The following SPATS2L variants were observed in gnomAD, a reference collection of about 807,000 sequenced individuals.
The protein encoded by SPATS2L is spermatogenesis associated serine rich 2 like.
SPATS2L carries 30 observed loss-of-function variants against 59.6 expected under a neutral mutation model. The ratio of observed to expected loss-of-function variants is 0.50; its 90% CI spans 0.38 to 0.68. The LOEUF is 0.68. Ranked by LOEUF, SPATS2L falls within the 30% of genes least tolerant of loss-of-function variation. The pLI, the probability that SPATS2L is intolerant of heterozygous loss-of-function variation, is 0.00. For missense variants in SPATS2L, 615 were observed against 700.0 expected (o/e 0.88, Z 1.37); for synonymous variants, 252 against 263.5 (o/e 0.96, Z 0.42).
At chr2:200,445,512 A>C (rs2084975484) in intron 8 of SPATS2L, among the ~76,000 whole-genome samples, 1 of 152,196 alleles carries the variant, frequency 6.6e-6, no homozygotes, top group Non-Finnish European at 1.5e-5. Context: ...CACCATTGAC[A>C]CTTTAAATAT....
chr2:200,326,235 CAGGTAGCTGGAGCT>C (rs1459672701), intron 1 of SPATS2L, among the ~76,000 whole-genome samples: 9 of 152,208 alleles, frequency 5.9e-5, no homozygotes, highest in Admixed American at 4.6e-4. Context: ...CTCAGCCTCC[CAGGTAGCTGGAGCT>C]ACAAGGGCTT....
intron 8 of SPATS2L, among the ~76,000 whole-genome samples, chr2:200,446,635 A>C (rs1215123860): frequency 6.6e-6 from 1 of 152,102 alleles, no homozygotes; most frequent in African/African-American, 2.4e-5. Context: ...GGGTGAGAGG[A>C]AAATGAGAGA....
intron 2 of SPATS2L, among the ~76,000 whole-genome samples, chr2:200,382,774 A>G (rs6721026): frequency 0.053 from 8,145 of 152,258 alleles, 452 homozygotes; most frequent in Admixed American, 0.18. Flanking sequence ...GTGACGGTAA[A>G]ATGAAAAAAA....
At chr2:200,382,234 C>T (rs2081840963) in intron 2 of SPATS2L, among the ~76,000 whole-genome samples, 1 of 152,102 alleles carries the variant, frequency 6.6e-6, no homozygotes, top group Non-Finnish European at 1.5e-5. Context: ...GCCATCATGC[C>T]CAGCTAATTT....
intron 5 of SPATS2L, among the ~76,000 whole-genome samples, chr2:200,418,792 G>T (rs943929370): frequency 6.6e-6 from 1 of 152,086 alleles, no homozygotes; most frequent in African/African-American, 2.4e-5. Context: ...TTCCCTAGTA[G>T]TCCTCCCCTT....
At position 200,307,810 on chromosome 2, in the gene SPATS2L, C is replaced by A. The variant is rs895239902; in HGVS notation, c.-73+888C>A. Among the ~76,000 whole-genome samples the A allele has an allele frequency of 2.0e-5, 3 of 152,258 alleles. 1 individual carries two copies. In the South Asian group the frequency reaches 6.2e-4, roughly 31 times the overall value. On this transcript the variant is annotated intron_variant, in intron 1 of 12. Coordinates refer to ENST00000409140, the MANE Select transcript of SPATS2L (RefSeq NM_001100423.2). Reference sequence around the variant, plus strand: ...TGAACTTCACGAGCTTCTCATCCCCCCCGCAATCCTGGTTTTAGCAGATGT... The same window carrying A: ...TGAACTTCACGAGCTTCTCATCCCCACCGCAATCCTGGTTTTAGCAGATGT...
At chr2:200,308,972 G>A in intron 1 of SPATS2L, 1 of 711,382 alleles carries the variant, frequency 1.4e-6, no homozygotes, top group Non-Finnish European at 2.6e-6. Flanking sequence ...GTTATCTGTG[G>A]GCTTGAGAAG....
intron 5 of SPATS2L, among the ~76,000 whole-genome samples, chr2:200,419,032 A>G (rs1289442386): frequency 2.6e-5 from 4 of 151,802 alleles, no homozygotes; most frequent in African/African-American, 4.8e-5. Context: ...AACCTTTTTT[A>G]TTGTGTTTAT....
Position 200,419,360 on chromosome 2 carries a change from T to A in SPATS2L, c.309T>A (p.Ile103=), listed in dbSNP as rs1363921681. 6.2e-7 allele frequency: 1 copy of A among 1,612,076 alleles called. No individual in the cohort carries two copies. The highest frequency in any genetic ancestry group is 8.5e-7 in the Non-Finnish European group (1 of 1,179,184). Residue 103 remains isoleucine (I), a synonymous_variant, in exon 6 of 13, where the codon ATT becomes ATA. Coordinates refer to ENST00000409140, the MANE Select transcript of SPATS2L (RefSeq NM_001100423.2). ...AGPLQPQPPQ[I]QNGPMNGCEK... is the part of the protein sequence containing the mutation. ...CCCTGCAGCCGCAGCCACCACAGATTCAAAACGGCCCCATGAATGGCTGCG... is the reference window on the plus strand; with the variant it reads ...CCCTGCAGCCGCAGCCACCACAGATACAAAACGGCCCCATGAATGGCTGCG...
intron 6 of SPATS2L, among the ~76,000 whole-genome samples, chr2:200,425,731 C>T (rs535058236): frequency 3.7e-4 from 57 of 152,240 alleles, no homozygotes; most frequent in Middle Eastern, 3.4e-3. Context: ...GCGGACAAGA[C>T]AACAAAGGTT....
intron 2 of SPATS2L, among the ~76,000 whole-genome samples, chr2:200,371,074 T>C (rs948883796): frequency 1.3e-5 from 2 of 152,180 alleles, no homozygotes; most frequent in African/African-American, 4.8e-5. Context: ...GATTGTCGGC[T>C]CATTATGATC....
chr2:200,437,148 T>C (rs12052506), intron 6 of SPATS2L, among the ~76,000 whole-genome samples: 67,954 of 151,852 alleles, frequency 0.45, 15,454 homozygotes, highest in East Asian at 0.58. Context: ...CCAAATAAAC[T>C]TCTTTTCTTT....
intron 8 of SPATS2L, among the ~76,000 whole-genome samples, chr2:200,457,219 TACATACAC>T (rs1261219341): frequency 4.2e-4 from 26 of 62,456 alleles, no homozygotes; most frequent in African/African-American, 1.3e-3. Flanking sequence ...AATGAAAACA[TACATACAC>T]ACACACACAC....
upstream of SPATS2L, chr2:200,306,095 C>G (rs964845681): frequency 1.0e-6 from 1 of 985,768 alleles, no homozygotes; most frequent in Admixed American, 6.2e-5. Flanking sequence ...GCGGAACACC[C>G]CGGGTTGGTC....
At chr2:200,438,888 A>C (rs1325071234) in intron 6 of SPATS2L, among the ~76,000 whole-genome samples, 1 of 152,162 alleles carries the variant, frequency 6.6e-6, no homozygotes, top group African/African-American at 2.4e-5. Context: ...GTCACTCTGC[A>C]AGTAATTACC....
intron 1 of SPATS2L, among the ~76,000 whole-genome samples, chr2:200,319,626 T>TCTGAACAG (rs768589405): frequency 6.7e-6 from 1 of 150,060 alleles, no homozygotes; most frequent in Non-Finnish European, 1.5e-5. Context: ...GACTGAGTAT[T>TCTGAACAG]CTGAACAGTA....
rs892142750 is a variant in SPATS2L, at chr2:200,430,874, C to A, written c.446-8248C>A. Reference sequence around the variant, plus strand: ...CTGGGATTACAGGCGCCTGCCACCACTTCCAGCCAATTTTTGTATTTTTAG... The same window carrying A: ...CTGGGATTACAGGCGCCTGCCACCAATTCCAGCCAATTTTTGTATTTTTAG... On this transcript the variant is annotated intron_variant, in intron 6 of 12. Coordinates refer to ENST00000409140, the MANE Select transcript of SPATS2L (RefSeq NM_001100423.2). Among the ~76,000 whole-genome samples, 14 of 152,028 alleles carry A rather than the reference C, an allele frequency of 9.2e-5. 1 individual carries two copies. The highest frequency in any genetic ancestry group is 4.6e-4 in the Admixed American group (7 of 15,250).
At chr2:200,446,722 A>T (rs2085072599) in intron 8 of SPATS2L, among the ~76,000 whole-genome samples, 2 of 152,112 alleles carry the variant, frequency 1.3e-5, no homozygotes, top group African/African-American at 4.8e-5. Context: ...TCCCTTTGAA[A>T]CATCCCTGAT....
chr2:200,360,967 C>CTGTGTGTGTGTGTGTG (rs145080452), intron 2 of SPATS2L, among the ~76,000 whole-genome samples: 2 of 140,338 alleles, frequency 1.4e-5, no homozygotes, highest in African/African-American at 5.3e-5. Context: ...CAGAACAGGG[C>CTGTGTGTGTGTGTGTG]TGTGTGTGTG....
Sources: allele counts gnomAD v4.1 joint callset (sites outside exome capture counted in the v4.1 genomes callset), GRCh38; gene constraint gnomAD v4.1.1; transcripts MANE v1.5; gene names NCBI Gene and HGNC (gene_info 2026-07-23, HGNC 2026-07-21).